The following METTL15 variants were observed in gnomAD, a reference collection of about 807,000 sequenced individuals.
The protein encoded by METTL15 is methyltransferase 15, mitochondrial 12S rRNA N4-cytidine, also known as 12S rRNA N(4)-cytidine methyltransferase METTL15.
Under a neutral mutation model 38.3 loss-of-function variants are expected in METTL15, and 34 were observed. The observed-to-expected ratio is 0.89, with a 90% CI of 0.68 to 1.18. The LOEUF is 1.18. Ranked by LOEUF, METTL15 falls within the 50% of genes most tolerant of loss-of-function variation. METTL15 has a pLI of 0.00. For missense variants in METTL15, 438 were observed against 498.4 expected, an observed-to-expected ratio of 0.88 and a Z score of 1.15; for synonymous variants, 162 against 170.9, an observed-to-expected ratio of 0.95 and a Z score of 0.41.
At chr11:28,280,649 C>G (rs138405129) in intron 4 of METTL15, among the ~76,000 whole-genome samples, 16 of 146,392 alleles carry the variant, frequency 1.1e-4, no homozygotes, top group African/African-American at 4.0e-4. Flanking sequence ...GTTAGGTTTT[C>G]TCACCATGTC....
chr11:28,136,895 T>C (rs1849531641), intron 3 of METTL15, among the ~76,000 whole-genome samples: 1 of 151,306 alleles, frequency 6.6e-6, no homozygotes, highest in African/African-American at 2.4e-5. Context: ...TTTGCCAAAA[T>C]GATGACTTAA....
At position 28,192,098 on chromosome 11, in the gene METTL15, CT is replaced by C. The variant is rs560649545; in HGVS notation, c.271-18963del. 5.3e-5 allele frequency among the ~76,000 whole-genome samples: 8 copies of C among 151,798 alleles called. No homozygotes were observed. The East Asian group carries it at 1.4e-3, about 26-fold the overall frequency. Reference sequence around the variant, plus strand: ...TTTGTGTCTATCTGTGTGTCTTCTCCTGATGAGGTTTTCATTCTGAGATCAT... The same window carrying C: ...TTTGTGTCTATCTGTGTGTCTTCTCCGATGAGGTTTTCATTCTGAGATCAT... On this transcript the variant is annotated intron_variant, in intron 3 of 6. Coordinates refer to ENST00000407364, the MANE Select transcript of METTL15 (RefSeq NM_001113528.2).
intron 3 of METTL15, among the ~76,000 whole-genome samples, chr11:28,115,549 C>T (rs1177859170): frequency 6.6e-6 from 1 of 152,174 alleles, no homozygotes; most frequent in East Asian, 1.9e-4. Context: ...TGAGCCAACA[C>T]ACCCTTCCAT....
intron 6 of METTL15, among the ~76,000 whole-genome samples, chr11:28,446,942 A>T (rs532832974): frequency 1.3e-5 from 2 of 152,070 alleles, no homozygotes; most frequent in Non-Finnish European, 2.9e-5. Context: ...ATACACACAC[A>T]CTATAAAAAT....
At chr11:28,328,252 C>A in intron 6 of METTL15, 15 of 1,265,004 alleles carry the variant, frequency 1.2e-5, no homozygotes, top group South Asian at 1.5e-5. Flanking sequence ...CCCCTAGTGT[C>A]TAACATTCTC....
rs996472071 is a variant in METTL15, at chr11:28,305,233, G to C, written c.778+8302G>C. ...GTGGAAAAAAAGAAAGAAAACCTGA[G>C]TAACTTTTCCTAAAAAAGTCTAGCT... On this transcript the variant is annotated intron_variant, in intron 6 of 6. Transcript: ENST00000407364. Among the ~76,000 whole-genome samples the C allele has an allele frequency of 3.3e-5, 5 of 152,224 alleles. No individual in the cohort carries two copies. The South Asian group carries it at 6.2e-4, about 19-fold the overall frequency.
chr11:28,149,021 T>C (rs1344012391), intron 3 of METTL15, among the ~76,000 whole-genome samples: 1 of 151,936 alleles, frequency 6.6e-6, no homozygotes, highest in East Asian at 1.9e-4. Flanking sequence ...GTTTAGCAGT[T>C]TGACGGCCAG....
chr11:28,147,103 G>A (rs936099263), intron 3 of METTL15, among the ~76,000 whole-genome samples: 4 of 151,936 alleles, frequency 2.6e-5, no homozygotes, highest in Non-Finnish European at 4.4e-5. Flanking sequence ...AAGAGGAAGA[G>A]AAGGGAAGTC....
chr11:28,351,320 A>C (rs1393585131), intron 3 of METTL15, among the ~76,000 whole-genome samples: 1 of 152,130 alleles, frequency 6.6e-6, no homozygotes, highest in Non-Finnish European at 1.5e-5. Context: ...TATGTTGCCC[A>C]GGCTGGTCTC....
intron 5 of METTL15, among the ~76,000 whole-genome samples, chr11:28,392,457 A>G (rs1850519755): frequency 6.6e-6 from 1 of 152,110 alleles, no homozygotes; most frequent in Non-Finnish European, 1.5e-5. Flanking sequence ...ATGATCTTAA[A>G]CAAGGGTGCC....
At chr11:28,215,169 A>G (rs982475292) in intron 4 of METTL15, among the ~76,000 whole-genome samples, 1 of 152,216 alleles carries the variant, frequency 6.6e-6, no homozygotes, top group African/African-American at 2.4e-5. Flanking sequence ...AGGCCTCTCT[A>G]TGCAACATTC....
intron 6 of METTL15, among the ~76,000 whole-genome samples, chr11:28,305,393 G>A (rs1857048993): frequency 6.6e-6 from 1 of 152,050 alleles, no homozygotes; most frequent in Admixed American, 6.6e-5. Flanking sequence ...CAAATACTAG[G>A]TATTATGTGA....
chr11:28,186,720 T>A (rs1247669631), intron 3 of METTL15, among the ~76,000 whole-genome samples: 1 of 151,222 alleles, frequency 6.6e-6, no homozygotes, highest in African/African-American at 2.4e-5. Context: ...TATTTGTTTC[T>A]TTAATAATTA....
At chr11:28,327,149 A>G (rs900987206) in intron 6 of METTL15, among the ~76,000 whole-genome samples, 1 of 152,122 alleles carries the variant, frequency 6.6e-6, no homozygotes, top group Non-Finnish European at 1.5e-5. Context: ...CACATTGCTC[A>G]TTGCAGACCT....
intron 4 of METTL15, among the ~76,000 whole-genome samples, chr11:28,243,750 T>C (rs185877097): frequency 6.6e-6 from 1 of 152,272 alleles, no homozygotes; most frequent in East Asian, 1.9e-4. Context: ...ATTCAGTACA[T>C]ATGTTTGAGG....
intron 3 of METTL15, chr11:28,123,759 G>A: frequency 1.5e-6 from 1 of 671,416 alleles, no homozygotes; most frequent in Non-Finnish European, 2.3e-6. Flanking sequence ...TTTTATCTTT[G>A]TCCTATTTGG....
chr11:28,379,603 C>A (rs1205692983), intron 5 of METTL15, among the ~76,000 whole-genome samples: 4 of 151,984 alleles, frequency 2.6e-5, no homozygotes, highest in East Asian at 1.9e-4. Flanking sequence ...TTTATAACTT[C>A]TTTGAACTTG....
At chr11:28,189,002 G>A (rs1203466682) in intron 3 of METTL15, among the ~76,000 whole-genome samples, 2 of 151,214 alleles carry the variant, frequency 1.3e-5, no homozygotes, top group Non-Finnish European at 3.0e-5. Flanking sequence ...ACCATAATGT[G>A]TTCAATGTGT....
At chr11:28,528,594 G>C (rs1267529663), downstream of METTL15, among the ~76,000 whole-genome samples, 1 of 152,208 alleles carries the variant, frequency 6.6e-6, no homozygotes, top group Non-Finnish European at 1.5e-5. Context: ...TTTTTTCAAA[G>C]CTTTACAGTA....
Sources: allele counts gnomAD v4.1 joint callset (sites outside exome capture counted in the v4.1 genomes callset), GRCh38; gene constraint gnomAD v4.1.1; transcripts MANE v1.5; gene names NCBI Gene and HGNC (gene_info 2026-07-23, HGNC 2026-07-21).